RBX1: variants seen among roughly 807,000 people sequenced by gnomAD.
The protein encoded by RBX1 is ring-box 1.
For synonymous variants in RBX1, 48 were observed against 47.9 expected, an observed-to-expected ratio of 1.00 and a Z score of -0.01; for missense variants, 46 against 141.4, an observed-to-expected ratio of 0.33 and a Z score of 3.42.
chr22:40,952,980 G>GC (rs1156496594), intron 1 of RBX1, among the ~76,000 whole-genome samples: 5 of 133,532 alleles, frequency 3.7e-5, no homozygotes, highest in Admixed American at 2.3e-4. Context: ...TCAAGTTTGT[G>GC]CCCTTTTTTT....
rs763819387 is a variant in RBX1 at position 40,972,505 on chromosome 22, T to G, written c.*17T>G. On this transcript the variant is annotated 3_prime_UTR_variant, in exon 5 of 5. Coordinates refer to ENST00000216225, the MANE Select transcript of RBX1 (RefSeq NM_014248.4). ...GGGCACTAGGAAAAGACTTCTTCCA[T>G]CAAGCTTAATTGTTTTGTTATTCAT... The G allele has an allele frequency of 6.3e-7, 1 of 1,592,822 alleles. No individual in the cohort carries two copies. Among genetic ancestry groups the G allele is most frequent in the Non-Finnish European group, 8.6e-7 (1 of 1,160,816 alleles).
chr22:40,959,364 T>C (rs1181677689), intron 2 of RBX1, among the ~76,000 whole-genome samples: 2 of 152,232 alleles, frequency 1.3e-5, no homozygotes, highest in Non-Finnish European at 2.9e-5. Context: ...CTGTACTTAC[T>C]CTCTGCAACA....
intron 1 of RBX1, 90 bp downstream of exon 1, chr22:40,951,566 G>C: frequency 7.7e-7 from 1 of 1,293,428 alleles, no homozygotes; most frequent in African/African-American, 1.5e-5. Context: ...CGGAGTAAAG[G>C]GTTTCATTTC....
At chr22:40,967,552 G>A in intron 3 of RBX1, 1 of 378,644 alleles carries the variant, frequency 2.6e-6, no homozygotes, top group Non-Finnish European at 4.9e-6. Flanking sequence ...CTCAGTGCTG[G>A]CACATACTCC....
At position 40,951,382 on chromosome 22, in the gene RBX1, G is replaced by C. The variant is rs771908060; in HGVS notation, c.-17G>C. On this transcript the variant is annotated 5_prime_UTR_variant, in exon 1 of 5. Transcript: ENST00000216225. ...GCGCAGGCGCGGTGGTCGGACGACA[G>C]ACCGTGTGTTTCCAAAATGGCGGCA... 1 of 1,612,038 alleles carries C rather than the reference G, an allele frequency of 6.2e-7. No homozygotes were observed. Among genetic ancestry groups the C allele is most frequent in the Non-Finnish European group, 8.5e-7 (1 of 1,178,856 alleles).
chr22:40,953,783 A>C (rs1310371373), intron 2 of RBX1, 150 bp downstream of exon 2: 2 of 584,644 alleles, frequency 3.4e-6, no homozygotes, highest in Non-Finnish European at 6.4e-6. Flanking sequence ...GTGTGTTTGA[A>C]ATAGAGTAGT....
At chr22:40,952,513 G>C (rs1428384418) in intron 1 of RBX1, among the ~76,000 whole-genome samples, 1 of 152,202 alleles carries the variant, frequency 6.6e-6, no homozygotes, top group African/African-American at 2.4e-5. Flanking sequence ...CCACCTTGAA[G>C]CTGTGATGTG....
intron 3 of RBX1, chr22:40,966,993 A>G (rs1227047631): frequency 6.6e-6 from 1 of 152,222 alleles, no homozygotes; most frequent in African/African-American, 2.4e-5. Flanking sequence ...AAATCTAAGC[A>G]GACTTCTAGC....
intron 2 of RBX1, among the ~76,000 whole-genome samples, chr22:40,957,934 C>T (rs1159430203): frequency 6.6e-6 from 1 of 152,042 alleles, no homozygotes; most frequent in Non-Finnish European, 1.5e-5. Flanking sequence ...AAACAATTCT[C>T]CTGCCTCAGC....
intron 2 of RBX1, among the ~76,000 whole-genome samples, chr22:40,955,141 G>C (rs552908241): frequency 1.3e-5 from 2 of 152,072 alleles, no homozygotes; most frequent in South Asian, 4.1e-4. Flanking sequence ...AAATAGCCTA[G>C]TCTTTTTTGC....
chr22:40,961,756 C>G (rs2058341120), intron 2 of RBX1, among the ~76,000 whole-genome samples: 2 of 151,894 alleles, frequency 1.3e-5, no homozygotes, highest in African/African-American at 4.8e-5. Context: ...TAGTGTGAAT[C>G]TGGCTAGCAA....
chr22:40,965,432 T>G (rs1033672536), intron 3 of RBX1, among the ~76,000 whole-genome samples: 2 of 151,556 alleles, frequency 1.3e-5, no homozygotes, highest in East Asian at 1.9e-4. Flanking sequence ...GTTTTTTTTT[T>G]TGTTTTTTGT....
chr22:40,959,979 A>G (rs990391215), intron 2 of RBX1, among the ~76,000 whole-genome samples: 9 of 151,930 alleles, frequency 5.9e-5, no homozygotes, highest in East Asian at 1.9e-4. Context: ...TTAGCTTGGT[A>G]TGGTAGTGCA....
At chr22:40,968,029 G>GA in intron 4 of RBX1, 145 bp downstream of exon 4, 1 of 489,184 alleles carries the variant, frequency 2.0e-6, no homozygotes, top group Non-Finnish European at 3.8e-6. Context: ...TATCTATATG[G>GA]AAAATGCACA....
At chr22:40,968,082 A>C (rs2058358823) in intron 4 of RBX1, among the ~76,000 whole-genome samples, 198 bp downstream of exon 4, 1 of 147,616 alleles carries the variant, frequency 6.8e-6, no homozygotes, top group Non-Finnish European at 1.5e-5. Flanking sequence ...AGGGTTTCCC[A>C]ACCTTTTTTT....
At chr22:40,972,155 C>G (rs2058370790) in intron 4 of RBX1, among the ~76,000 whole-genome samples, 1 of 152,190 alleles carries the variant, frequency 6.6e-6, no homozygotes, top group African/African-American at 2.4e-5. Flanking sequence ...GCGGAGCTCC[C>G]TTTCACAACC....
rs917358479 is a variant in RBX1 at position 40,964,762 on chromosome 22, G to A, written c.228+645G>A. Among the ~76,000 whole-genome samples the A allele has an allele frequency of 3.9e-5, 6 of 152,294 alleles. No homozygotes were observed. The East Asian group carries it at 1.2e-3, about 29-fold the overall frequency. On this transcript the variant is annotated intron_variant, in intron 3 of 4. Transcript: ENST00000216225. ...TTGTCAGGGCCTCCTGTGTCATGGG[G>A]ACAGAATACTCACAGTTCCCAGCAT...
chr22:40,954,986 C>T (rs1375581191), intron 2 of RBX1, among the ~76,000 whole-genome samples: 1 of 152,210 alleles, frequency 6.6e-6, no homozygotes, highest in Non-Finnish European at 1.5e-5. Flanking sequence ...ACAGTTTTAC[C>T]GTGTTGGCCA....
chr22:40,969,659 T>C (rs912358438), intron 4 of RBX1, among the ~76,000 whole-genome samples: 1 of 151,816 alleles, frequency 6.6e-6, no homozygotes. Flanking sequence ...TTGAGGCAGG[T>C]GGATCATTTG....
Sources: allele counts gnomAD v4.1 joint callset (sites outside exome capture counted in the v4.1 genomes callset), GRCh38; gene constraint gnomAD v4.1.1; transcripts MANE v1.5; gene names NCBI Gene and HGNC (gene_info 2026-07-23, HGNC 2026-07-21).